Variants in CDC42 observed in about 807,000 individuals in gnomAD.
CDC42 encodes the protein cell division control protein 42 homolog.
Under a neutral mutation model 20.8 loss-of-function variants are expected in CDC42, and 1 was observed. The ratio of observed to expected loss-of-function variants is 0.05; its 90% CI spans 0.02 to 0.23. The LOEUF is 0.23. CDC42 is among the 10% of genes least tolerant of loss of function. The pLI, the probability that CDC42 is intolerant of heterozygous loss-of-function variation, is 1.00. For missense variants in CDC42, 49 were observed against 227.9 expected, an observed-to-expected ratio of 0.21 and a Z score of 5.05; for synonymous variants, 72 against 84.8, an observed-to-expected ratio of 0.85 and a Z score of 0.83.
intron 1 of CDC42, among the ~76,000 whole-genome samples, chr1:22,071,603 A>G (rs1645493025): frequency 6.6e-6 from 1 of 152,166 alleles, no homozygotes; most frequent in Admixed American, 6.5e-5. Context: ...TATAAGCTGC[A>G]TTTTCCAAAG....
At chr1:22,059,775 C>T (rs910699172) in intron 1 of CDC42, 2 of 152,030 alleles carry the variant, frequency 1.3e-5, no homozygotes, top group African/African-American at 4.8e-5. Context: ...AACTTCTGAC[C>T]TCAGGTGATC....
At chr1:22,079,519 CAA>C (rs1215794364) in intron 2 of CDC42, among the ~76,000 whole-genome samples, 1 of 151,842 alleles carries the variant, frequency 6.6e-6, no homozygotes, top group African/African-American at 2.4e-5. Context: ...GAGAGAGAGA[CAA>C]GAGTTAGAGT....
rs185117613 is a variant in CDC42 at position 22,093,311 on chromosome 1, C to T, written c.*1794C>T. On this transcript the variant is annotated 3_prime_UTR_variant, in exon 6 of 6. Transcript: ENST00000656825. ...CAAGTTTTCTGCATCAGTGGTTCTC[C>T]AACTGGAGTGCAGCTTGAACAATGT... Among the ~76,000 whole-genome samples, 1 of 152,288 alleles carries T rather than the reference C, an allele frequency of 6.6e-6. No homozygotes were observed. The highest frequency in any genetic ancestry group is 2.4e-5 in the African/African-American group (1 of 41,564).
chr1:22,085,220 A>C (rs1645648997), intron 3 of CDC42, among the ~76,000 whole-genome samples: 1 of 54,954 alleles, frequency 1.8e-5, no homozygotes, highest in South Asian at 7.5e-4. Flanking sequence ...TGATAGAGTG[A>C]GACTCTGTCT....
chr1:22,084,301 A>G (rs1300604839), intron 3 of CDC42, among the ~76,000 whole-genome samples: 1 of 122,082 alleles, frequency 8.2e-6, no homozygotes, highest in East Asian at 2.5e-4. Flanking sequence ...GGGGTTTGAT[A>G]TAGTCACATT....
At chr1:22,089,312 T>C (rs749301352) in intron 5 of CDC42, among the ~76,000 whole-genome samples, 1 of 152,236 alleles carries the variant, frequency 6.6e-6, no homozygotes, top group Non-Finnish European at 1.5e-5. Flanking sequence ...TATGCTCTGA[T>C]ACCCATGCAG....
At chr1:22,066,955 C>T (rs1025403872) in intron 1 of CDC42, among the ~76,000 whole-genome samples, 4 of 152,038 alleles carry the variant, frequency 2.6e-5, no homozygotes, top group Admixed American at 6.6e-5. Flanking sequence ...TCCAGCTACT[C>T]AGGAAGTTGA....
chr1:22,088,181 T>C (rs184647820), intron 5 of CDC42, among the ~76,000 whole-genome samples: 241 of 152,324 alleles, frequency 1.6e-3, no homozygotes, highest in Middle Eastern at 6.8e-3. Context: ...AAAGTGTGCC[T>C]GTGTGTGTAT....
intron 1 of CDC42, among the ~76,000 whole-genome samples, chr1:22,076,214 C>CT (rs1645547678): frequency 6.6e-6 from 1 of 151,990 alleles, no homozygotes; most frequent in Non-Finnish European, 1.5e-5. Flanking sequence ...AATCCTAGCA[C>CT]TTTGAGGGGC....
At chr1:22,053,411 C>G (rs1363651848) in intron 1 of CDC42, 2 of 152,204 alleles carry the variant, frequency 1.3e-5, no homozygotes, top group Non-Finnish European at 2.9e-5. Flanking sequence ...GCCACGGCCT[C>G]CAGGCTGCTC....
At chr1:22,073,679 T>A (rs1381144310) in intron 1 of CDC42, among the ~76,000 whole-genome samples, 1 of 152,228 alleles carries the variant, frequency 6.6e-6, no homozygotes, top group Non-Finnish European at 1.5e-5. Flanking sequence ...AAAAAATATT[T>A]GAGACAGGGT....
Position 22,094,263 on chromosome 1 carries a change from A to G in CDC42, c.*2746A>G, listed in dbSNP as rs1645740816. ...CGATGTTAATATATTATTGCTATTT[A>G]TAAGTGTTTTACTGAACATCCTAGA... On this transcript the variant is annotated 3_prime_UTR_variant, in exon 6 of 6. Coordinates refer to ENST00000656825, the MANE Select transcript of CDC42 (RefSeq NM_001791.4). Among the ~76,000 whole-genome samples, 1 of 118,238 alleles carries G rather than the reference A, an allele frequency of 8.5e-6. No homozygotes were observed. Among genetic ancestry groups the G allele is most frequent in the Non-Finnish European group, 1.8e-5 (1 of 54,426 alleles). 77.6% of individuals were successfully genotyped at this position (118,238 alleles called of 152,430 possible).
chr1:22,076,869 G>A (rs938192194), intron 1 of CDC42, among the ~76,000 whole-genome samples: 4 of 152,056 alleles, frequency 2.6e-5, no homozygotes, highest in African/African-American at 4.8e-5. Flanking sequence ...GGCTGGCTGC[G>A]GTGGCTCATG....
At position 22,099,871 on chromosome 1, in the gene CDC42, A is replaced by C. The variant is rs974198003; in HGVS notation, c.*8354A>C. ...AATCCCCCATTTTTTCATATGTGGA[A>C]ACTGAGGCATGTTATGATACAAAGC... On this transcript the variant is annotated 3_prime_UTR_variant, in exon 6 of 6. Transcript: ENST00000656825. Among the ~76,000 whole-genome samples the C allele has an allele frequency of 7.9e-5, 12 of 151,402 alleles. No individual in the cohort carries two copies. Among genetic ancestry groups the C allele is most frequent in the Non-Finnish European group, 1.6e-4 (11 of 67,868 alleles).
chr1:22,062,927 A>C (rs1042663512), intron 1 of CDC42, among the ~76,000 whole-genome samples: 1 of 151,914 alleles, frequency 6.6e-6, no homozygotes, highest in East Asian at 1.9e-4. Context: ...CCTCCATTTC[A>C]ATCTTAGATT....
chr1:22,083,706 T>G (rs144034637), intron 3 of CDC42, among the ~76,000 whole-genome samples: 1 of 152,318 alleles, frequency 6.6e-6, no homozygotes, highest in Non-Finnish European at 1.5e-5. Flanking sequence ...AAATTTTCTG[T>G]GGTGAGTTCT....
Position 22,097,368 on chromosome 1 carries a change from A to G in CDC42, c.*5851A>G, listed in dbSNP as rs954283280. 4.6e-5 allele frequency among the ~76,000 whole-genome samples: 7 copies of G among 152,130 alleles called. No homozygotes were observed. Among genetic ancestry groups the G allele is most frequent in the Non-Finnish European group, 1.0e-4 (7 of 68,026 alleles). On this transcript the variant is annotated 3_prime_UTR_variant, in exon 6 of 6. Transcript: ENST00000656825. ...GCAATTCTCATGCCTCAGCCTCCCA[A>G]GTAGCTGGGACTACAGGCGTGAGCC...
chr1:22,066,604 T>C lies in CDC42; in HGVS notation c.-50-11825T>C, dbSNP rs566372331. ...ATAATTATAGATTATGACCTTACAA[T>C]AAAGGAAATAAGGTAATATGAAAGG... On this transcript the variant is annotated intron_variant, in intron 1 of 5. Coordinates refer to ENST00000656825, the MANE Select transcript of CDC42 (RefSeq NM_001791.4). 4.6e-5 allele frequency among the ~76,000 whole-genome samples: 7 copies of C among 152,200 alleles called. No homozygotes were observed. The South Asian group carries it at 1.0e-3, about 23-fold the overall frequency.
intron 3 of CDC42, among the ~76,000 whole-genome samples, chr1:22,086,155 GTTTATTATTACA>G (rs1645660597): frequency 6.6e-6 from 1 of 152,104 alleles, no homozygotes; most frequent in African/African-American, 2.4e-5. Context: ...TGTAGCAAGA[GTTTATTATTACA>G]TTTATTATTG....
Sources: allele counts gnomAD v4.1 joint callset (sites outside exome capture counted in the v4.1 genomes callset), GRCh38; gene constraint gnomAD v4.1.1; transcripts MANE v1.5; gene names NCBI Gene and HGNC (gene_info 2026-07-23, HGNC 2026-07-21).